The following CCDC149 variants were observed in gnomAD, a reference collection of about 807,000 sequenced individuals.
CCDC149 encodes coiled-coil domain-containing protein 149.
Under a neutral mutation model 59.9 loss-of-function variants are expected in CCDC149, and 45 were observed. That is an observed-to-expected ratio of 0.75 (90% CI 0.59 to 0.96). CCDC149 has a LOEUF of 0.96. CCDC149 is among the 40% of genes least tolerant of loss of function. The pLI, the probability that CCDC149 is intolerant of heterozygous loss-of-function variation, is 0.00. For synonymous variants in CCDC149, 245 were observed against 260.6 expected, an observed-to-expected ratio of 0.94 and a Z score of 0.58; for missense variants, 584 against 664.7, an observed-to-expected ratio of 0.88 and a Z score of 1.33.
At chr4:24,821,557 G>A (rs569288918) in intron 10 of CCDC149, among the ~76,000 whole-genome samples, 3 of 152,304 alleles carry the variant, frequency 2.0e-5, no homozygotes, top group South Asian at 2.1e-4. Context: ...CTAAGGCAGC[G>A]ATTCAAGTTT....
intron 3 of CCDC149, among the ~76,000 whole-genome samples, chr4:24,864,259 T>G (rs1456087924): frequency 6.6e-6 from 1 of 152,202 alleles, no homozygotes; most frequent in South Asian, 2.1e-4. Flanking sequence ...AGGTTAGGTA[T>G]CATTAAATAA....
At chr4:24,922,699 C>T (rs73250629) in intron 1 of CCDC149, among the ~76,000 whole-genome samples, 12,057 of 152,122 alleles carry the variant, frequency 0.079, 555 homozygotes, top group Middle Eastern at 0.11. Flanking sequence ...GGAGATACTA[C>T]AAAGGCTTTC....
intron 1 of CCDC149, among the ~76,000 whole-genome samples, chr4:24,962,712 A>T (rs4697507): frequency 0.17 from 26,390 of 151,434 alleles, 3,108 homozygotes; most frequent in African/African-American, 0.32. Flanking sequence ...GAAGGGGAAC[A>T]TCACACACCG....
intron 3 of CCDC149, among the ~76,000 whole-genome samples, chr4:24,857,763 G>T (rs147443327): frequency 5.3e-5 from 8 of 152,212 alleles, no homozygotes; most frequent in Non-Finnish European, 8.8e-5. Flanking sequence ...TATTAAAATC[G>T]CAATCCTCCA....
Position 24,922,865 on chromosome 4 carries a change from T to C in CCDC149, c.-64-27747A>G, listed in dbSNP as rs535934485. Reference sequence around the variant, plus strand: ...GTCTCAGATGCCGTGTCCTCGAACTTGGAAAATCATTGGACCAAAAATGTC... The same window carrying C: ...GTCTCAGATGCCGTGTCCTCGAACTCGGAAAATCATTGGACCAAAAATGTC... On this transcript the variant is annotated intron_variant, in intron 1 of 12. Coordinates refer to the CCDC149 transcript ENST00000389609. Among the ~76,000 whole-genome samples the C allele has an allele frequency of 2.6e-5, 4 of 152,312 alleles. No homozygotes were observed. In the East Asian group the frequency reaches 5.8e-4, roughly 22 times the overall value.
At chr4:24,844,943 T>C (rs1717182176) in intron 4 of CCDC149, among the ~76,000 whole-genome samples, 2 of 152,152 alleles carry the variant, frequency 1.3e-5, no homozygotes, top group Admixed American at 1.3e-4. Context: ...TGGCAGGTAT[T>C]GTTGCTATCC....
In CCDC149 at chr4:24,939,170, C is replaced by T. The variant is rs567795999; in HGVS notation, c.-65+40899G>A. On this transcript the variant is annotated intron_variant, in intron 1 of 12. Coordinates refer to the CCDC149 transcript ENST00000389609. ...AGTAGGGGCGGACTGACACCTCACACGGCTGGGTACTCCTCTGAGACAAAA... is the reference window on the plus strand; with the variant it reads ...AGTAGGGGCGGACTGACACCTCACATGGCTGGGTACTCCTCTGAGACAAAA... 2.4e-4 allele frequency among the ~76,000 whole-genome samples: 36 copies of T among 152,314 alleles called. No homozygotes were observed. The East Asian group carries it at 3.3e-3, about 14-fold the overall frequency.
rs561196297 is a variant in CCDC149 at position 24,881,534 on chromosome 4, TTG to T, written c.64-4839_64-4838del. 6.3e-4 allele frequency among the ~76,000 whole-genome samples: 96 copies of T among 152,246 alleles called. 3 individuals are homozygous for T. In the South Asian group the frequency reaches 8.1e-3, roughly 13 times the overall value. On this transcript the variant is annotated intron_variant, in intron 1 of 12. Coordinates refer to ENST00000635206, the MANE Select transcript of CCDC149 (RefSeq NM_001330643.2). ...GAGCCATTCGGGTCCACAGAGAACTTTGTGTGATCCAGAAAAAAATTATTGGT... is the reference window on the plus strand; with the variant it reads ...GAGCCATTCGGGTCCACAGAGAACTTTGTGATCCAGAAAAAAATTATTGGT...
At chr4:24,902,973 C>T (rs1489353387) in intron 1 of CCDC149, among the ~76,000 whole-genome samples, 4 of 126,904 alleles carry the variant, frequency 3.2e-5, no homozygotes, top group African/African-American at 9.0e-5. Context: ...TGCAGTGAGC[C>T]GAGACTGTGC....
upstream of CCDC149, among the ~76,000 whole-genome samples, chr4:24,916,824 G>GTGTGTGTA (rs773321362): frequency 1.0e-4 from 15 of 148,294 alleles, no homozygotes; most frequent in African/African-American, 3.8e-4. Flanking sequence ...GTGTGTGTGT[G>GTGTGTGTA]TACATATATT....
intron 5 of CCDC149, 49 bp downstream of exon 5, chr4:24,838,107 T>C (rs1461931324): frequency 7.2e-7 from 1 of 1,385,644 alleles, no homozygotes; most frequent in Non-Finnish European, 1.0e-6. Context: ...TTGTGTTGTG[T>C]CCAGCTGTGC....
rs3066448 is a variant in CCDC149, at chr4:24,813,527, T to A, written c.1193-4708A>T. On this transcript the variant is annotated intron_variant, in intron 12 of 12. Transcript: ENST00000635206. ...ATATATATATATATATATATATATA[T>A]AAAACCTAAAAAGGAAATATAATCT... 8.5e-3 allele frequency among the ~76,000 whole-genome samples: 771 copies of A among 91,182 alleles called. 9 individuals carry two copies. Among genetic ancestry groups the A allele is most frequent in the South Asian group, 0.03 (83 of 2,738 alleles). 59.8% of individuals were successfully genotyped at this position (91,182 alleles called of 152,430 possible).
intron 1 of CCDC149, among the ~76,000 whole-genome samples, chr4:24,962,670 G>A (rs1723669420): frequency 6.6e-6 from 1 of 152,020 alleles, no homozygotes; most frequent in Non-Finnish European, 1.5e-5. Flanking sequence ...ACTCATAGGT[G>A]GGAATTGAAT....
At chr4:24,804,456 A>C (rs372753217), downstream of CCDC149, among the ~76,000 whole-genome samples, 2 of 142,310 alleles carry the variant, frequency 1.4e-5, no homozygotes, top group Admixed American at 1.5e-4. Context: ...ATGCCACTGC[A>C]CTCCACCCTG....
intron 1 of CCDC149, among the ~76,000 whole-genome samples, chr4:24,942,044 T>C (rs1044050707): frequency 6.6e-6 from 1 of 152,232 alleles, no homozygotes; most frequent in Non-Finnish European, 1.5e-5. Context: ...TAACTCATTT[T>C]ATGAGGCCAG....
Position 24,820,397 on chromosome 4 carries a change from C to A in CCDC149, c.1076-422G>T, listed in dbSNP as rs1485438519. 2.6e-5 allele frequency among the ~76,000 whole-genome samples: 4 copies of A among 152,096 alleles called. No homozygotes were observed. In the East Asian group the frequency reaches 7.7e-4, roughly 29 times the overall value. On this transcript the variant is annotated intron_variant, in intron 11 of 12. Coordinates refer to ENST00000635206, the MANE Select transcript of CCDC149 (RefSeq NM_001330643.2). ...CTGATAACTGAAAGAGACATTGATT[C>A]TTCCCAGGTGTTGGTAAATGAGAGA...
At chr4:24,929,295 C>A (rs1045275166) in intron 1 of CCDC149, among the ~76,000 whole-genome samples, 6 of 152,130 alleles carry the variant, frequency 3.9e-5, no homozygotes, top group South Asian at 2.1e-4. Context: ...CGGCTCTCAG[C>A]GGCTCATGAA....
chr4:24,880,450 C>A (rs1414101816), intron 1 of CCDC149, among the ~76,000 whole-genome samples: 1 of 152,206 alleles, frequency 6.6e-6, no homozygotes, highest in East Asian at 1.9e-4. Flanking sequence ...CTCATCAAAA[C>A]AACAATAGAA....
At chr4:24,847,716 T>C (rs941479358) in intron 4 of CCDC149, among the ~76,000 whole-genome samples, 1 of 152,164 alleles carries the variant, frequency 6.6e-6, no homozygotes, top group Non-Finnish European at 1.5e-5. Context: ...CCACAGACAA[T>C]AACTGGCAGA....
Sources: gnomAD v4.1 joint callset for allele counts (sites outside exome capture counted in the v4.1 genomes callset) on GRCh38, gnomAD v4.1.1 for gene constraint, MANE v1.5 for transcripts, NCBI Gene and HGNC (gene_info 2026-07-23, HGNC 2026-07-21) for gene names.